REV3L: variants seen among roughly 807,000 people sequenced by gnomAD.
The protein encoded by REV3L is DNA polymerase zeta catalytic subunit.
In REV3L, 69 loss-of-function variants were observed where a neutral mutation model predicts 299.4. The ratio of observed to expected loss-of-function variants is 0.23; its 90% CI spans 0.19 to 0.28. REV3L has a LOEUF of 0.28. Ranked by LOEUF, REV3L falls within the 10% of genes least tolerant of loss-of-function variation. REV3L has a pLI of 1.00. For missense variants in REV3L, 3,128 were observed against 3,693.8 expected, an observed-to-expected ratio of 0.85 and a Z score of 3.97; for synonymous variants, 1,238 against 1,271.4, an observed-to-expected ratio of 0.97 and a Z score of 0.56.
intron 14 of REV3L, among the ~76,000 whole-genome samples, chr6:111,365,588 C>G (rs12198788): frequency 0.11 from 16,386 of 151,964 alleles, 1,164 homozygotes; most frequent in Middle Eastern, 0.22. Flanking sequence ...CAGTCATTAA[C>G]CTAGAGAACT....
chr6:111,446,808 A>G (rs1416826876), intron 1 of REV3L, among the ~76,000 whole-genome samples: 1 of 152,216 alleles, frequency 6.6e-6, no homozygotes, highest in Non-Finnish European at 1.5e-5. Context: ...GTAAAGCCTT[A>G]GGAGAATCTA....
At chr6:111,388,529 A>AATG (rs1781571245) in intron 7 of REV3L, among the ~76,000 whole-genome samples, 1 of 152,184 alleles carries the variant, frequency 6.6e-6, no homozygotes, top group Non-Finnish European at 1.5e-5. Context: ...CTGCCTTTTG[A>AATG]ATGATGTCGT....
intron 4 of REV3L, among the ~76,000 whole-genome samples, chr6:111,396,495 C>A (rs1281213689): frequency 1.3e-5 from 2 of 151,888 alleles, no homozygotes; most frequent in Non-Finnish European, 2.9e-5. Context: ...CAGGATAATG[C>A]TGGCTTCATA....
At chr6:111,327,392 A>G (rs1774946011) in intron 25 of REV3L, among the ~76,000 whole-genome samples, 1 of 151,918 alleles carries the variant, frequency 6.6e-6, no homozygotes, top group Non-Finnish European at 1.5e-5. Flanking sequence ...CCATCTCTAC[A>G]AAAAATAGAA....
At chr6:111,455,878 G>A (rs1790102391) in intron 1 of REV3L, among the ~76,000 whole-genome samples, 1 of 152,084 alleles carries the variant, frequency 6.6e-6, no homozygotes. Context: ...TTACAATCCT[G>A]TGCCACATAA....
chr6:111,480,805 T>C (rs1277982515), intron 1 of REV3L, among the ~76,000 whole-genome samples: 1 of 149,538 alleles, frequency 6.7e-6, no homozygotes, highest in East Asian at 2.0e-4. Flanking sequence ...AAAACCCCAA[T>C]GGGGGTTTTT....
intron 4 of REV3L, among the ~76,000 whole-genome samples, chr6:111,403,567 A>T (rs531320956): frequency 6.6e-6 from 1 of 152,296 alleles, no homozygotes; most frequent in East Asian, 1.9e-4. Flanking sequence ...CAGGTACCAC[A>T]ATAAACCGTG....
At chr6:111,429,119 T>C (rs1054874078) in intron 1 of REV3L, among the ~76,000 whole-genome samples, 3 of 152,214 alleles carry the variant, frequency 2.0e-5, no homozygotes, top group African/African-American at 7.2e-5. Flanking sequence ...AAGAATAAAG[T>C]ATTGAGCAAT....
chr6:111,351,725 C>T lies in REV3L; in HGVS notation c.7251G>A (p.Arg2417=). 6.2e-7 allele frequency: 1 copy of T among 1,613,642 alleles called. No individual in the cohort carries two copies. Among genetic ancestry groups the T allele is most frequent in the Non-Finnish European group, 8.5e-7 (1 of 1,179,748 alleles). The change falls in exon 19 of 32, where the codon AGG becomes AGA. Residue 2417 remains arginine (R), a synonymous_variant. Transcript: ENST00000368802. ...ATAAGTCAATACTTAAAGCGGCAGC[C>T]CTTTGTAAGAGGTAACCCCAGGAAT... ...QMHSWGYLLQ[R]AAALSIDLCR...
intron 21 of REV3L, 105 bp downstream of exon 21, chr6:111,343,820 G>A (rs240990): frequency 0.75 from 578,872 of 768,640 alleles, 224,472 homozygotes; most frequent in Non-Finnish European, 0.82. Context: ...GTAAGCCACC[G>A]CAACTGGCCT....
chr6:111,341,152 T>G (rs763787137), intron 21 of REV3L, among the ~76,000 whole-genome samples: 1 of 151,458 alleles, frequency 6.6e-6, no homozygotes, highest in African/African-American at 2.4e-5. Context: ...GTTCAAGTGA[T>G]TTTCATGCCT....
intron 1 of REV3L, among the ~76,000 whole-genome samples, chr6:111,450,508 C>CAAAAAAAAAAAAAAAAAAAAAAAAAAAAA (rs1789400781): frequency 2.1e-5 from 2 of 94,282 alleles, no homozygotes; most frequent in Non-Finnish European, 2.5e-5. Flanking sequence ...AAAAAAAAAC[C>CAAAAAAAAAAAAAAAAAAAAAAAAAAAAA]AAAAAACATT....
intron 15 of REV3L, 76 bp downstream of exon 15, chr6:111,365,189 T>G (rs1257636416): frequency 3.1e-6 from 3 of 954,564 alleles, no homozygotes; most frequent in Admixed American, 3.4e-5. Flanking sequence ...TGAGACAAAG[T>G]TAACAATTAT....
rs888924118 is a variant in REV3L at position 111,351,904 on chromosome 6, G to A, written c.7185-113C>T. 3.3e-5 allele frequency: 21 copies of A among 635,604 alleles called. No homozygotes were observed. The East Asian group carries it at 4.1e-4, about 13-fold the overall frequency. 39.4% of individuals were successfully genotyped at this position (635,604 alleles called of 1,614,324 possible). On this transcript the variant is annotated intron_variant, in intron 18 of 31. Transcript: ENST00000368802. ...AAAACAAAAACCTATGTTCTCTAAC[G>A]GTGCCCAGATGGAGAAGGGATGATA... is the stretch of plus-strand genomic sequence containing the variant.
At chr6:111,473,580 CT>C (rs775832782) in intron 1 of REV3L, among the ~76,000 whole-genome samples, 11 of 151,728 alleles carry the variant, frequency 7.2e-5, no homozygotes, top group Non-Finnish European at 1.5e-4. Context: ...AAAACGAATC[CT>C]ACTATAATCT....
intron 31 of REV3L, 62 bp downstream of exon 31, chr6:111,307,299 G>GTATCTCAC (rs1772423885): frequency 7.2e-7 from 1 of 1,386,178 alleles, no homozygotes; most frequent in Non-Finnish European, 1.0e-6. Flanking sequence ...ATTCAAGAGT[G>GTATCTCAC]ACTATATCTT....
Position 111,374,478 on chromosome 6 carries a change from A to T in REV3L, c.3877T>A (p.Ser1293Thr). The change falls in exon 13 of 32, where the codon TCT (serine) becomes ACT (threonine). Residue 1293 changes from serine to threonine, a missense_variant. By Grantham distance (58) the Ser-to-Thr change is moderately conservative. Transcript: ENST00000368802. ...PTGINAQQKL[S>T]GCFSSFLESK... ...TCTAAGAAAGAAGAAAAGCAGCCAG[A>T]TAACTTCTGTTGTGCATTAATTCCA... 6.2e-7 allele frequency: 1 copy of T among 1,614,104 alleles called. No individual in the cohort carries two copies. The highest frequency in any genetic ancestry group is 1.1e-5 in the South Asian group (1 of 91,084).
At chr6:111,433,863 G>A (rs1787227512) in intron 1 of REV3L, among the ~76,000 whole-genome samples, 1 of 152,200 alleles carries the variant, frequency 6.6e-6, no homozygotes, top group Non-Finnish European at 1.5e-5. Context: ...CCACGATCAA[G>A]TGGAATTCAT....
At chr6:111,350,752 CTT>C (rs35185792) in intron 19 of REV3L, among the ~76,000 whole-genome samples, 159 of 138,566 alleles carry the variant, frequency 1.1e-3, no homozygotes, top group Non-Finnish European at 1.3e-3. Flanking sequence ...AATTTTCTTT[CTT>C]TTTTTTTTTT....
Sources: allele counts gnomAD v4.1 joint callset (sites outside exome capture counted in the v4.1 genomes callset), GRCh38; gene constraint gnomAD v4.1.1; transcripts MANE v1.5; gene names NCBI Gene and HGNC (gene_info 2026-07-23, HGNC 2026-07-21).